The following CNTN6 variants were observed in gnomAD, a reference collection of about 807,000 sequenced individuals.
CNTN6 encodes contactin-6.
In CNTN6, 137 loss-of-function variants were observed where a neutral mutation model predicts 122.8. That is an observed-to-expected ratio of 1.12 (90% CI 0.97 to 1.29). CNTN6 has a LOEUF of 1.29. Among genes scored for constraint, CNTN6 ranks in the 50% most tolerant of loss-of-function variants. CNTN6 has a pLI of 0.00. For synonymous variants in CNTN6, 570 were observed against 426.0 expected, an observed-to-expected ratio of 1.34 and a Z score of -4.16; for missense variants, 1,634 against 1,223.4, an observed-to-expected ratio of 1.34 and a Z score of -5.01.
At chr3:1,360,588 G>T (rs915029967) in intron 12 of CNTN6, among the ~76,000 whole-genome samples, 5 of 151,386 alleles carry the variant, frequency 3.3e-5, no homozygotes, top group African/African-American at 1.2e-4. Context: ...CTATATACAT[G>T]TATGTATACA....
chr3:1,199,822 C>A (rs551712468), intron 2 of CNTN6, among the ~76,000 whole-genome samples: 39 of 152,270 alleles, frequency 2.6e-4, no homozygotes, highest in African/African-American at 8.9e-4. Context: ...ACTTGTGAAT[C>A]ATTTTGGCGT....
chr3:1,205,294 A>C (rs1559510320), intron 2 of CNTN6, among the ~76,000 whole-genome samples: 1 of 152,296 alleles, frequency 6.6e-6, no homozygotes, highest in East Asian at 1.9e-4. Context: ...ACAGAACTAT[A>C]AGATAGTAAA....
chr3:1,212,012 C>A (rs148906910), intron 2 of CNTN6, among the ~76,000 whole-genome samples: 3 of 152,084 alleles, frequency 2.0e-5, no homozygotes, highest in South Asian at 4.2e-4. Context: ...ATAAAAAGTT[C>A]TCAGTATTTA....
chr3:1,397,828 C>T (rs1247457712), intron 20 of CNTN6, among the ~76,000 whole-genome samples: 3 of 152,078 alleles, frequency 2.0e-5, no homozygotes, highest in Non-Finnish European at 4.4e-5. Flanking sequence ...TTTTATCTTG[C>T]ACTTATGTTC....
intron 4 of CNTN6, among the ~76,000 whole-genome samples, chr3:1,239,380 C>T (rs1439165967): frequency 1.3e-5 from 2 of 152,062 alleles, no homozygotes; most frequent in East Asian, 3.9e-4. Context: ...CAACAGTGAC[C>T]AAGCTGAAAA....
intron 1 of CNTN6, among the ~76,000 whole-genome samples, chr3:1,118,151 C>T (rs1400415566): frequency 6.6e-6 from 1 of 152,074 alleles, no homozygotes; most frequent in Non-Finnish European, 1.5e-5. Context: ...TGTTAAATGC[C>T]AGCATACGAG....
chr3:1,385,835 G>A (rs1310968942), intron 20 of CNTN6, 38 bp downstream of exon 20: 1 of 1,529,762 alleles, frequency 6.5e-7, no homozygotes, highest in Admixed American at 2.0e-5. Flanking sequence ...AGATTCATCT[G>A]TGAAGAGCAA....
chr3:1,387,186 G>T (rs1210069142), intron 20 of CNTN6, among the ~76,000 whole-genome samples: 1 of 151,690 alleles, frequency 6.6e-6, no homozygotes, highest in East Asian at 1.9e-4. Flanking sequence ...TACTGATTCT[G>T]GAAGCATCTT....
At chr3:1,251,635 G>C (rs74493862) in intron 4 of CNTN6, among the ~76,000 whole-genome samples, 1 of 151,968 alleles carries the variant, frequency 6.6e-6, no homozygotes, top group Non-Finnish European at 1.5e-5. Context: ...AATGACCACC[G>C]ACATCAGTGG....
Position 1,403,544 on chromosome 3 carries a change from T to A in CNTN6, c.*126T>A. The stretch of plus-strand genomic sequence containing the variant: ...TTTGCAAAGAAAAAAAAAAGTATAT[T>A]ATTAAAATCCTGTAAATATCTATGG... On this transcript the variant is annotated 3_prime_UTR_variant, in exon 23 of 23. Transcript: ENST00000446702. 3.8e-6 allele frequency: 2 copies of A among 520,502 alleles called. No homozygotes were observed. Among genetic ancestry groups the A allele is most frequent in the Non-Finnish European group, 6.7e-6 (2 of 299,780 alleles). 32.2% of individuals were successfully genotyped at this position (520,502 alleles called of 1,614,324 possible).
chr3:1,306,727 A>C (rs113677293), intron 7 of CNTN6, among the ~76,000 whole-genome samples: 2,246 of 152,326 alleles, frequency 0.015, 61 homozygotes, highest in African/African-American at 0.05. Context: ...TTCCTGACCC[A>C]TAATAGGCAT....
chr3:1,313,495 C>T (rs942010893), intron 7 of CNTN6, among the ~76,000 whole-genome samples: 1 of 152,034 alleles, frequency 6.6e-6, no homozygotes, highest in Admixed American at 6.6e-5. Context: ...TTCCTGTGTA[C>T]TCATTCTTAT....
chr3:1,301,440 T>C (rs146538723), intron 7 of CNTN6, among the ~76,000 whole-genome samples: 302 of 152,308 alleles, frequency 2.0e-3, no homozygotes, highest in African/African-American at 5.6e-3. Flanking sequence ...CTGATGTGTA[T>C]GTACAAAAGA....
intron 7 of CNTN6, among the ~76,000 whole-genome samples, chr3:1,310,393 C>A (rs910371685): frequency 2.0e-5 from 3 of 152,060 alleles, no homozygotes; most frequent in Admixed American, 1.3e-4. Flanking sequence ...GATTTTTCTT[C>A]TATTCATTAG....
intron 4 of CNTN6, among the ~76,000 whole-genome samples, chr3:1,242,562 C>A (rs962165181): frequency 1.3e-5 from 2 of 151,900 alleles, no homozygotes; most frequent in African/African-American, 4.8e-5. Flanking sequence ...GGGCGTTGAG[C>A]GGGGTAAGGG....
chr3:1,214,954 C>T (rs2094109451), intron 2 of CNTN6, among the ~76,000 whole-genome samples: 1 of 152,090 alleles, frequency 6.6e-6, no homozygotes, highest in Non-Finnish European at 1.5e-5. Flanking sequence ...GACAGGGTCT[C>T]CCTATAGTAC....
chr3:1,362,403 G>T (rs1707597549), intron 12 of CNTN6, among the ~76,000 whole-genome samples: 1 of 152,060 alleles, frequency 6.6e-6, no homozygotes, highest in Non-Finnish European at 1.5e-5. Flanking sequence ...AAATAATTTT[G>T]ATTAATATAT....
chr3:1,246,727 A>T (rs1455504880), intron 4 of CNTN6, among the ~76,000 whole-genome samples: 2 of 152,158 alleles, frequency 1.3e-5, no homozygotes, highest in Non-Finnish European at 2.9e-5. Flanking sequence ...GCAGGGGGAT[A>T]GTAAAAAGTA....
At chr3:1,276,274 G>A (rs1046545785) in intron 4 of CNTN6, among the ~76,000 whole-genome samples, 2 of 152,202 alleles carry the variant, frequency 1.3e-5, no homozygotes, top group African/African-American at 4.8e-5. Flanking sequence ...TTCTTCCACA[G>A]TAGGATAATG....
Sources: allele counts gnomAD v4.1 joint callset (sites outside exome capture counted in the v4.1 genomes callset), GRCh38; gene constraint gnomAD v4.1.1; transcripts MANE v1.5; gene names NCBI Gene and HGNC (gene_info 2026-07-23, HGNC 2026-07-21).